The following RAP1A variants were observed in gnomAD, a reference collection of about 807,000 sequenced individuals.
The protein encoded by RAP1A is RAP1A, member of RAS oncogene family, also known as ras-related protein Rap-1A.
In RAP1A, 6 loss-of-function variants were observed where a neutral mutation model predicts 26.4. That is an observed-to-expected ratio of 0.23 (90% CI 0.12 to 0.45). The LOEUF (loss-of-function observed/expected upper bound fraction) is 0.45. RAP1A is among the 20% of genes least tolerant of loss of function. The pLI, the probability that RAP1A is intolerant of heterozygous loss-of-function variation, is 0.99. For synonymous variants in RAP1A, 73 were observed against 79.4 expected (o/e 0.92, Z 0.43); for missense variants, 121 against 217.2 (o/e 0.56, Z 2.78).
chr1:111,643,755 C>T (rs1313359941), intron 1 of RAP1A, among the ~76,000 whole-genome samples: 1 of 151,280 alleles, frequency 6.6e-6, no homozygotes, highest in Admixed American at 6.6e-5. Context: ...TAGGTCTTCT[C>T]TCAGAGAACT....
At chr1:111,569,785 G>C (rs1208503889) in intron 1 of RAP1A, among the ~76,000 whole-genome samples, 1 of 152,090 alleles carries the variant, frequency 6.6e-6, no homozygotes, top group Non-Finnish European at 1.5e-5. Flanking sequence ...ACATGTAGCT[G>C]TACTACCTGC....
intron 3 of RAP1A, 82 bp downstream of exon 3, chr1:111,695,491 A>T: frequency 9.8e-7 from 1 of 1,017,048 alleles, no homozygotes; most frequent in East Asian, 3.0e-5. Flanking sequence ...TGCTTTTTGA[A>T]AATAGTTTTG....
chr1:111,707,950 A>G (rs1662247394), intron 6 of RAP1A, among the ~76,000 whole-genome samples: 1 of 152,188 alleles, frequency 6.6e-6, no homozygotes. Context: ...TGAGGCAGCC[A>G]GATCACTTGA....
chr1:111,679,553 C>T (rs1042910535), intron 1 of RAP1A, among the ~76,000 whole-genome samples: 1 of 152,018 alleles, frequency 6.6e-6, no homozygotes, highest in Admixed American at 6.6e-5. Context: ...GGAACCCCAG[C>T]AACACAGAAC....
At chr1:111,545,364 T>C (rs1656998721) in intron 1 of RAP1A, among the ~76,000 whole-genome samples, 1 of 152,180 alleles carries the variant, frequency 6.6e-6, no homozygotes, top group African/African-American at 2.4e-5. Context: ...TGCATTTGTG[T>C]AATGACTAAT....
intron 1 of RAP1A, among the ~76,000 whole-genome samples, chr1:111,596,090 G>A (rs565185862): frequency 6.6e-6 from 1 of 152,296 alleles, no homozygotes; most frequent in Admixed American, 6.5e-5. Context: ...TGCCTCCCTT[G>A]TTAAACCTAA....
At chr1:111,569,101 A>G (rs920123705) in intron 1 of RAP1A, among the ~76,000 whole-genome samples, 1 of 152,120 alleles carries the variant, frequency 6.6e-6, no homozygotes, top group Non-Finnish European at 1.5e-5. Context: ...GTTTTGGGAA[A>G]GTCAAAAGTT....
At chr1:111,693,897 C>CTTTTTT (rs11431985) in intron 2 of RAP1A, among the ~76,000 whole-genome samples, 1 of 145,536 alleles carries the variant, frequency 6.9e-6, no homozygotes, top group Admixed American at 6.8e-5. Flanking sequence ...ATTAGACTGC[C>CTTTTTT]TTTTTTTTTT....
intron 1 of RAP1A, among the ~76,000 whole-genome samples, chr1:111,660,534 A>T (rs529556608): frequency 6.6e-6 from 1 of 152,090 alleles, no homozygotes; most frequent in Non-Finnish European, 1.5e-5. Flanking sequence ...AAGTTAACCA[A>T]TTCTTACTAC....
At position 111,591,961 on chromosome 1, in the gene RAP1A, T is replaced by C. The variant is rs77447203; in HGVS notation, c.-28+49452T>C. On this transcript the variant is annotated intron_variant, in intron 1 of 7. Coordinates refer to the RAP1A transcript ENST00000356415. ...AGAATTCGAAGTTCAGAGCCCCATT[T>C]TGGATTTGCACATCAGAGGTCTGGA... Among the ~76,000 whole-genome samples, 988 of 152,320 alleles carry C rather than the reference T, an allele frequency of 6.5e-3. 12 individuals are homozygous for C. Among genetic ancestry groups the C allele is most frequent in the African/African-American group, 0.022 (915 of 41,566 alleles).
intron 1 of RAP1A, chr1:111,599,817 AGGTGGGGTCTGGTGG>A (rs1658636192): frequency 6.6e-6 from 1 of 152,038 alleles, no homozygotes; most frequent in African/African-American, 2.4e-5. Flanking sequence ...CCAGTGTTGG[AGGTGGGGTCTGGTGG>A]GAGGTGATTG....
At chr1:111,678,350 G>C (rs1195829483) in intron 1 of RAP1A, among the ~76,000 whole-genome samples, 1 of 152,124 alleles carries the variant, frequency 6.6e-6, no homozygotes, top group Non-Finnish European at 1.5e-5. Context: ...TCTCTAAGTA[G>C]TTTCTTACTG....
intron 1 of RAP1A, among the ~76,000 whole-genome samples, chr1:111,664,373 CAAAAAAAA>C (rs57610280): frequency 8.9e-5 from 8 of 89,870 alleles, no homozygotes; most frequent in African/African-American, 2.5e-4. Flanking sequence ...GACTCCGTCT[CAAAAAAAA>C]AAAAAAAAAA....
intron 1 of RAP1A, among the ~76,000 whole-genome samples, chr1:111,556,763 A>G (rs527589142): frequency 6.6e-6 from 1 of 152,236 alleles, no homozygotes; most frequent in East Asian, 1.9e-4. Flanking sequence ...TTAGTGTTTA[A>G]TGGGTATAAA....
intron 1 of RAP1A, among the ~76,000 whole-genome samples, chr1:111,562,030 T>C (rs962974630): frequency 3.3e-5 from 5 of 152,122 alleles, no homozygotes; most frequent in African/African-American, 1.2e-4. Flanking sequence ...CCAAATTAAC[T>C]TTTCAATCTT....
At chr1:111,582,026 T>C (rs1412341989) in intron 1 of RAP1A, among the ~76,000 whole-genome samples, 2 of 152,168 alleles carry the variant, frequency 1.3e-5, no homozygotes, top group Non-Finnish European at 2.9e-5. Context: ...GGAACCAAGA[T>C]TTGAACCCAG....
chr1:111,639,329 G>A (rs916721714), intron 1 of RAP1A, among the ~76,000 whole-genome samples: 7 of 151,846 alleles, frequency 4.6e-5, no homozygotes, highest in South Asian at 2.1e-4. Context: ...ATTAGAATCC[G>A]ATTTTTTAAG....
At chr1:111,700,974 T>G (rs1213181560) in intron 4 of RAP1A, among the ~76,000 whole-genome samples, 1 of 152,194 alleles carries the variant, frequency 6.6e-6, no homozygotes, top group African/African-American at 2.4e-5. Context: ...TTCAATAACC[T>G]CAAAACTGAT....
intron 1 of RAP1A, among the ~76,000 whole-genome samples, chr1:111,653,509 C>T (rs1310989421): frequency 6.6e-6 from 1 of 151,664 alleles, no homozygotes; most frequent in African/African-American, 2.4e-5. Context: ...TGGAGAAACC[C>T]CCGTCTCTAC....
Sources: allele counts gnomAD v4.1 joint callset (sites outside exome capture counted in the v4.1 genomes callset), GRCh38; gene constraint gnomAD v4.1.1; transcripts MANE v1.5; gene names NCBI Gene and HGNC (gene_info 2026-07-23, HGNC 2026-07-21).